Variants in RGSL1 observed in about 807,000 individuals in gnomAD.
RGSL1 encodes regulator of G protein signaling like 1.
Under a neutral mutation model 124.7 loss-of-function variants are expected in RGSL1, and 97 were observed. That is an observed-to-expected ratio of 0.78 (90% CI 0.66 to 0.92). The LOEUF (loss-of-function observed/expected upper bound fraction) is 0.92, where lower values mean the gene tolerates loss of function less well. RGSL1 is among the 40% of genes least tolerant of loss of function. RGSL1 has a pLI of 0.00. For missense variants in RGSL1, 1,233 were observed against 1,288.4 expected (o/e 0.96, Z 0.66); for synonymous variants, 424 against 438.1 (o/e 0.97, Z 0.40).
intron 9 of RGSL1, among the ~76,000 whole-genome samples, chr1:182,509,586 AG>A (rs1157192199): frequency 8.4e-6 from 1 of 118,532 alleles, no homozygotes; most frequent in African/African-American, 3.5e-5. Flanking sequence ...GGCCAGGCTG[AG>A]GGGCTCCTCA....
rs1190045976 is a variant in RGSL1, at chr1:182,531,012, T to C, written c.2364+102T>C. On this transcript the variant is annotated intron_variant, in intron 13 of 21. Transcript: ENST00000294854. Reference sequence around the variant, plus strand: ...ATTTTGCAAAGGAAGAATCTGAGACTCAGATAAATTACTATACTAGGAATT... The same window carrying C: ...ATTTTGCAAAGGAAGAATCTGAGACCCAGATAAATTACTATACTAGGAATT... 6 of 1,322,112 alleles carry C rather than the reference T, an allele frequency of 4.5e-6. No homozygotes were observed. In the African/African-American group the frequency reaches 9.1e-5, roughly 20 times the overall value. 81.9% of individuals were successfully genotyped at this position (1,322,112 alleles called of 1,614,324 possible).
intron 9 of RGSL1, among the ~76,000 whole-genome samples, chr1:182,496,729 A>C (rs1655941342): frequency 1.3e-5 from 2 of 152,328 alleles, no homozygotes; most frequent in Middle Eastern, 6.8e-3. Context: ...TATTTCAGAA[A>C]AGTATTTTCA....
intron 17 of RGSL1, chr1:182,550,097 G>C (rs1186305409): frequency 6.6e-6 from 1 of 152,146 alleles, no homozygotes; most frequent in African/African-American, 2.4e-5. Flanking sequence ...TATGCAAACT[G>C]TGTTTACATA....
intron 15 of RGSL1, among the ~76,000 whole-genome samples, chr1:182,545,684 G>T (rs1382303035): frequency 6.6e-6 from 1 of 152,086 alleles, no homozygotes; most frequent in Non-Finnish European, 1.5e-5. Flanking sequence ...CAGTACTCTT[G>T]GATGGTGGGT....
At chr1:182,540,184 C>T in intron 14 of RGSL1, 63 bp from the exon 15 acceptor site, 1 of 1,415,932 alleles carries the variant, frequency 7.1e-7, no homozygotes, top group Non-Finnish European at 9.4e-7. Flanking sequence ...TTGTTATGCC[C>T]AGGTTGAGGG....
At position 182,534,826 on chromosome 1, in the gene RGSL1, C is replaced by CA. The variant is rs545839667; in HGVS notation, c.2494+2049dup. ...TGGGTGACAGAGCGAGACTCCATCT[C>CA]AAAAAAAAAAAAAAGTTCTAGATCT... On this transcript the variant is annotated intron_variant, in intron 14 of 21. Coordinates refer to ENST00000294854, the MANE Select transcript of RGSL1 (RefSeq NM_001137669.2). Among the ~76,000 whole-genome samples the CA allele has an allele frequency of 5.4e-3, 711 of 132,310 alleles. 8 individuals are homozygous for CA. The highest frequency in any genetic ancestry group is 0.045 in the South Asian group (188 of 4,222). The allele number at this position is 132,310 out of a possible 152,430, so 86.8% of individuals were successfully genotyped here. A position where few individuals can be genotyped will look rare whatever the true frequency, so the allele number is the denominator to read the frequency against.
At position 182,540,263 on chromosome 1, in the gene RGSL1, CA is replaced by C; in HGVS notation, c.2513del (p.Asn838ThrfsTer23). ...CTCTCTCAGATTTCACCACAGCACA[CA>C]ACACATCGGGACGTTCAGCTCCACC... ...NSKENFTTAH[N>X]TSGRSAPPST... On this transcript the variant is annotated frameshift_variant, in exon 15 of 22. Transcript: ENST00000294854. LOFTEE classifies it high-confidence loss of function. 1 of 1,550,216 alleles carries C rather than the reference CA, an allele frequency of 6.5e-7. No homozygotes were observed. Among genetic ancestry groups the C allele is most frequent in the Non-Finnish European group, 8.7e-7 (1 of 1,146,374 alleles).
chr1:182,556,042 C>T lies in RGSL1; in HGVS notation c.3216C>T (p.Ile1072=), dbSNP rs769739061. ...HPVQGQKLSY[I]KKEK ...CCTTCAGACAAAAATTATCCTACAT[C>T]AAAAAAGAGAAGTAATCAAGCGAGA... Residue 1072 remains isoleucine, a synonymous_variant, in exon 21 of 22, where the codon ATC becomes ATT. Transcript: ENST00000294854. The T allele has an allele frequency of 2.8e-5, 44 of 1,551,232 alleles. No homozygotes were observed. Among genetic ancestry groups the T allele is most frequent in the Non-Finnish European group, 3.5e-5 (40 of 1,146,772 alleles).
Position 182,540,417 on chromosome 1 carries a change from G to A in RGSL1, c.2665G>A (p.Glu889Lys), listed in dbSNP as rs776901265. Reference sequence around the variant, plus strand: ...TGATCTATATTTCTTTTCTGAAATGGAGAAGTAAGTTTTCCACTTCTCCTT... The same window carrying A: ...TGATCTATATTTCTTTTCTGAAATGAAGAAGTAAGTTTTCCACTTCTCCTT... ...INDLYFFSEM[E>K]KFNDLVSSAH... is the part of the protein sequence containing the mutation. The change falls in exon 15 of 22, where the codon GAG becomes AAG. Residue 889 changes from glutamate to lysine, a missense_variant. By Grantham distance (56) the Glu-to-Lys change is moderately conservative. Transcript: ENST00000294854. 3 of 1,549,702 alleles carry A rather than the reference G, an allele frequency of 1.9e-6. No individual in the cohort carries two copies. In the Admixed American group the frequency reaches 5.9e-5, roughly 31 times the overall value.
At chr1:182,558,522 T>G (rs1022888946) in intron 21 of RGSL1, among the ~76,000 whole-genome samples, 10 of 152,180 alleles carry the variant, frequency 6.6e-5, no homozygotes, top group Non-Finnish European at 1.3e-4. Flanking sequence ...TGGAGGCTGT[T>G]GGGGAGGATC....
intron 2 of RGSL1, 53 bp from the exon 3 acceptor site, chr1:182,458,266 A>G (rs1652514079): frequency 4.5e-6 from 6 of 1,343,964 alleles, no homozygotes; most frequent in Non-Finnish European, 6.3e-6. Flanking sequence ...ACTGTGTCAT[A>G]TACATGAAGA....
rs944109368 is a variant in RGSL1, at chr1:182,474,046, T to C, written c.935T>C (p.Met312Thr). 2.5e-5 allele frequency: 39 copies of C among 1,551,670 alleles called. No homozygotes were observed. The highest frequency in any genetic ancestry group is 3.3e-5 in the Non-Finnish European group (38 of 1,147,008). The change falls in exon 6 of 22, where the codon ATG (methionine) becomes ACG (threonine). Residue 312 changes from methionine to threonine, a missense_variant. Met to Thr is a moderately conservative substitution (Grantham distance 81). Coordinates refer to ENST00000294854, the MANE Select transcript of RGSL1 (RefSeq NM_001137669.2). The part of the protein sequence containing the change: ...ETRISSLEKD[M>T]HYAKISSMEN... ...AGAATCAGTTCCCTGGAAAAGGATA[T>C]GCATTATGCAAAAATATCCAGCATG...
chr1:182,541,332 T>G (rs1483412804), intron 15 of RGSL1, among the ~76,000 whole-genome samples: 1 of 152,218 alleles, frequency 6.6e-6, no homozygotes, highest in South Asian at 2.1e-4. Context: ...ATATTTGTCC[T>G]TCTGTGTTTG....
chr1:182,475,563 G>A (rs146628559), intron 6 of RGSL1, among the ~76,000 whole-genome samples: 95 of 152,252 alleles, frequency 6.2e-4, no homozygotes, highest in African/African-American at 2.2e-3. Context: ...AGGAGAGAAA[G>A]AGCTGTATGG....
rs532577627 is a variant in RGSL1, at chr1:182,463,193, T to C, written c.301+3060T>C. On this transcript the variant is annotated intron_variant, in intron 4 of 21. Coordinates refer to ENST00000294854, the MANE Select transcript of RGSL1 (RefSeq NM_001137669.2). ...CCTGTAGTCCCACCTACTTGGGAAG[T>C]TGAGGCAGGAGAATGGCATGAACCT... Among the ~76,000 whole-genome samples, 11 of 151,386 alleles carry C rather than the reference T, an allele frequency of 7.3e-5. No homozygotes were observed. In the South Asian group the frequency reaches 2.3e-3, roughly 32 times the overall value.
chr1:182,548,763 C>G lies in RGSL1; in HGVS notation c.2872C>G (p.Arg958Gly). Residue 958 changes from arginine to glycine, a missense_variant, in exon 17 of 22, where the codon CGG (arginine) becomes GGG (glycine). Transcript: ENST00000294854. Reference protein sequence around the residue: ...LAAITEGYLDRSVFHGAIMSV... With the variant: ...LAAITEGYLDGSVFHGAIMSV... ...TGCCATCACAGAGGGCTACCTAGAT[C>G]GGAGCGTCTTCCATGGGGCTATCAT... The G allele has an allele frequency of 6.4e-7, 1 of 1,551,636 alleles. No individual in the cohort carries two copies. The highest frequency in any genetic ancestry group is 8.7e-7 in the Non-Finnish European group (1 of 1,146,976).
intron 9 of RGSL1, 61 bp downstream of exon 9, chr1:182,493,190 T>C (rs749031623): frequency 7.8e-6 from 9 of 1,150,564 alleles, no homozygotes; most frequent in Non-Finnish European, 1.1e-5. Context: ...TAAGAGAAAA[T>C]CTGTAATCTT....
At chr1:182,454,518 T>C (rs754914118) in intron 2 of RGSL1, among the ~76,000 whole-genome samples, 7 of 152,234 alleles carry the variant, frequency 4.6e-5, no homozygotes, top group Admixed American at 1.3e-4. Flanking sequence ...GTCCTCAGCA[T>C]TGGAACCTCC....
chr1:182,513,702 G>C (rs1369807407), intron 9 of RGSL1, among the ~76,000 whole-genome samples: 1 of 152,088 alleles, frequency 6.6e-6, no homozygotes, highest in African/African-American at 2.4e-5. Context: ...ACTTTCAGGA[G>C]GTTCTCCAAA....
Sources: allele counts gnomAD v4.1 joint callset (sites outside exome capture counted in the v4.1 genomes callset), GRCh38; gene constraint gnomAD v4.1.1; transcripts MANE v1.5; gene names NCBI Gene and HGNC (gene_info 2026-07-23, HGNC 2026-07-21).